WASF3: variants seen among roughly 807,000 people sequenced by gnomAD.
WASF3 encodes the protein actin-binding protein WASF3.
Under a neutral mutation model 46.6 loss-of-function variants are expected in WASF3, and 11 were observed. That is an observed-to-expected ratio of 0.24 (90% CI 0.15 to 0.39). The LOEUF is 0.39. WASF3 is among the 10% of genes least tolerant of loss of function. The pLI is 1.00. For missense variants in WASF3, 576 were observed against 669.8 expected (o/e 0.86, Z 1.55); for synonymous variants, 242 against 259.7 (o/e 0.93, Z 0.65).
chr13:26,541,307 T>C, the WASF3 span, among the ~76,000 whole-genome samples: 1 of 152,156 alleles, frequency 6.6e-6, no homozygotes, highest in South Asian at 2.1e-4. Flanking sequence ...AACTTAAGAC[T>C]GCACTGAAAA....
chr13:26,652,764 A>C (rs1264591911), intron 3 of WASF3, among the ~76,000 whole-genome samples: 1 of 152,246 alleles, frequency 6.6e-6, no homozygotes, highest in East Asian at 1.9e-4. Flanking sequence ...GGGAAGTTAG[A>C]AACTATTGCT....
chr13:26,563,018 CTGGTTGTT>C (rs1879348425), intron 1 of WASF3, among the ~76,000 whole-genome samples: 1 of 151,274 alleles, frequency 6.6e-6, no homozygotes. Flanking sequence ...CTTCTGAGGA[CTGGTTGTT>C]CCTTTGCAGG....
intron 1 of WASF3, among the ~76,000 whole-genome samples, chr13:26,562,957 T>C (rs922634754): frequency 6.6e-6 from 1 of 151,174 alleles, no homozygotes; most frequent in Non-Finnish European, 1.5e-5. Flanking sequence ...TTTCTCTTTT[T>C]TTTGCTGTTG....
intron 1 of WASF3, among the ~76,000 whole-genome samples, chr13:26,582,280 G>C (rs907135039): frequency 3.3e-5 from 5 of 152,112 alleles, no homozygotes; most frequent in Non-Finnish European, 7.4e-5. Context: ...CAGGGGCTTT[G>C]GGGCCAGACT....
intron 9 of WASF3, 115 bp from the exon 10 acceptor site, chr13:26,685,573 A>G (rs1883376924): frequency 3.1e-6 from 4 of 1,298,580 alleles, no homozygotes; most frequent in Non-Finnish European, 4.2e-6. Context: ...AATTTCTAAA[A>G]CTTTCTGTCC....
intron 2 of WASF3, among the ~76,000 whole-genome samples, chr13:26,635,423 G>A (rs1012120263): frequency 6.6e-6 from 1 of 152,140 alleles, no homozygotes; most frequent in Non-Finnish European, 1.5e-5. Flanking sequence ...TCCTTGCAAT[G>A]GGTTAGAACA....
At chr13:26,674,774 T>C (rs1883014317) in intron 6 of WASF3, among the ~76,000 whole-genome samples, 1 of 152,222 alleles carries the variant, frequency 6.6e-6, no homozygotes, top group African/African-American at 2.4e-5. Context: ...TTTCTAGAAG[T>C]TGAATTGCTC....
Position 26,681,213 on chromosome 13 carries a change from G to C in WASF3, c.876G>C (p.Ser292=), listed in dbSNP as rs201428154. The C allele has an allele frequency of 3.7e-6, 6 of 1,613,878 alleles. No individual in the cohort carries two copies. The highest frequency in any genetic ancestry group is 5.1e-6 in the Non-Finnish European group (6 of 1,179,978). Residue 292 remains serine, a synonymous_variant, in exon 8 of 10, where the codon TCG becomes TCC. Coordinates refer to ENST00000335327, the MANE Select transcript of WASF3 (RefSeq NM_006646.6). ...ATGAGTACCGGCCCCCATCTGCCTC[G>C]GCGAGGCACATGGCCCTCAACAGAC... ...AEHEYRPPSA[S]ARHMALNRPQ...
chr13:26,648,685 A>G (rs1403036774), intron 3 of WASF3, among the ~76,000 whole-genome samples: 3 of 152,202 alleles, frequency 2.0e-5, no homozygotes, highest in Non-Finnish European at 4.4e-5. Context: ...ACTGGGAGGA[A>G]CACAGCAAGA....
chr13:26,646,873 A>AT (rs1882165205), intron 3 of WASF3, among the ~76,000 whole-genome samples: 3 of 152,208 alleles, frequency 2.0e-5, no homozygotes, highest in Admixed American at 2.0e-4. Context: ...GATCATTCTG[A>AT]TTCTTGTCAC....
At chr13:26,586,307 C>T (rs1289606483) in intron 1 of WASF3, among the ~76,000 whole-genome samples, 1 of 151,852 alleles carries the variant, frequency 6.6e-6, no homozygotes, top group Non-Finnish European at 1.5e-5. Context: ...TCTGAAACTT[C>T]TTTTGGTATA....
intron 3 of WASF3, among the ~76,000 whole-genome samples, chr13:26,649,938 G>A (rs1882265477): frequency 2.0e-5 from 3 of 152,086 alleles, no homozygotes; most frequent in South Asian, 4.2e-4. Flanking sequence ...AGGCGTGGTG[G>A]TGGGCACCTA....
intron 1 of WASF3, among the ~76,000 whole-genome samples, chr13:26,559,788 T>TTTTCTTTTCTTTTC (rs1555246391): frequency 2.5e-5 from 2 of 80,508 alleles, no homozygotes; most frequent in Admixed American, 1.4e-4. Context: ...TTTTCTTTTC[T>TTTTCTTTTCTTTTC]TTTCTTTCTT....
At chr13:26,626,929 C>T (rs1284734010) in intron 2 of WASF3, among the ~76,000 whole-genome samples, 1 of 152,166 alleles carries the variant, frequency 6.6e-6, no homozygotes, top group Non-Finnish European at 1.5e-5. Flanking sequence ...ACGTCTTCAA[C>T]AACTCCTCTC....
intron 1 of WASF3, among the ~76,000 whole-genome samples, chr13:26,585,650 T>A (rs141931296): frequency 2.4e-4 from 36 of 152,284 alleles, no homozygotes; most frequent in African/African-American, 7.0e-4. Context: ...GAATCTCTGT[T>A]GATGTTATAA....
At chr13:26,634,551 A>T (rs1087263) in intron 2 of WASF3, among the ~76,000 whole-genome samples, 7 of 152,026 alleles carry the variant, frequency 4.6e-5, no homozygotes, top group Admixed American at 2.0e-4. Context: ...GGTTATTTTG[A>T]CTGTTAATTG....
chr13:26,614,066 T>TTTTC (rs930756276), intron 2 of WASF3, among the ~76,000 whole-genome samples: 1 of 152,186 alleles, frequency 6.6e-6, no homozygotes, highest in Non-Finnish European at 1.5e-5. Flanking sequence ...GGAATTTTCC[T>TTTTC]TTTCTTTCTT....
Position 26,649,276 on chromosome 13 carries a change from T to C in WASF3, c.133+6873T>C, listed in dbSNP as rs181267696. ...GCAAAATAAAAATATAAATATGAGATAGGTGGAAAAGGAAAAATATGTGAC... is the reference window on the plus strand; with the variant it reads ...GCAAAATAAAAATATAAATATGAGACAGGTGGAAAAGGAAAAATATGTGAC... On this transcript the variant is annotated intron_variant, in intron 3 of 9. Coordinates refer to ENST00000335327, the MANE Select transcript of WASF3 (RefSeq NM_006646.6). Among the ~76,000 whole-genome samples the C allele has an allele frequency of 8.5e-4, 129 of 152,280 alleles. 1 individual carries two copies. The highest frequency in any genetic ancestry group is 3.0e-3 in the African/African-American group (125 of 41,552).
chr13:26,655,401 C>T (rs532603617), intron 3 of WASF3, among the ~76,000 whole-genome samples: 2 of 152,276 alleles, frequency 1.3e-5, no homozygotes, highest in South Asian at 2.1e-4. Flanking sequence ...TTAGGAAGCT[C>T]ATGTGTCTGC....
Sources: gnomAD v4.1 joint callset for allele counts (sites outside exome capture counted in the v4.1 genomes callset) on GRCh38, gnomAD v4.1.1 for gene constraint, MANE v1.5 for transcripts, NCBI Gene and HGNC (gene_info 2026-07-23, HGNC 2026-07-21) for gene names.